ZNF385D: variants seen among roughly 807,000 people sequenced by gnomAD.
ZNF385D encodes the protein zinc finger protein 659.
ZNF385D carries 15 observed loss-of-function variants against 35.8 expected under a neutral mutation model. The ratio of observed to expected loss-of-function variants is 0.42; its 90% CI spans 0.28 to 0.64. The LOEUF is 0.64. Among genes scored for constraint, ZNF385D ranks in the 30% least tolerant of loss-of-function variants. The probability of loss-of-function intolerance (pLI) is 0.23; values close to 1 mark genes in which losing one functional copy is unlikely to be tolerated. For missense variants in ZNF385D, 474 were observed against 494.6 expected (o/e 0.96, Z 0.39); for synonymous variants, 212 against 186.8 (o/e 1.13, Z -1.10).
rs1325798763 is a variant in ZNF385D at position 21,670,783 on chromosome 3, CCTCA to C, written c.23-5759_23-5756del. ...CAGACACGCCTACTTATACCCCCTC[CCTCA>C]CTAACAGCCATTAGCCTTTCTTCCT... On this transcript the variant is annotated intron_variant, in intron 1 of 7. Coordinates refer to ENST00000281523, the MANE Select transcript of ZNF385D (RefSeq NM_024697.3). Among the ~76,000 whole-genome samples the C allele has an allele frequency of 1.1e-4, 16 of 150,420 alleles. No homozygotes were observed. In the South Asian group the frequency reaches 3.4e-3, roughly 32 times the overall value.
intron 2 of ZNF385D, among the ~76,000 whole-genome samples, chr3:21,615,061 GA>G (rs1460544417): frequency 6.6e-6 from 1 of 152,184 alleles, no homozygotes; most frequent in Non-Finnish European, 1.5e-5. Context: ...ATATGTTTTG[GA>G]TATTTGCCCC....
chr3:22,220,060 CTTT>C (rs539089821), intron 2 of ZNF385D, among the ~76,000 whole-genome samples: 4 of 144,678 alleles, frequency 2.8e-5, no homozygotes, highest in African/African-American at 7.6e-5. Flanking sequence ...TTCTTTCTTC[CTTT>C]TTTTTTTTTC....
At chr3:21,886,856 T>C (rs1178153568) in intron 3 of ZNF385D, among the ~76,000 whole-genome samples, 2 of 152,192 alleles carry the variant, frequency 1.3e-5, no homozygotes, top group Non-Finnish European at 2.9e-5. Flanking sequence ...AATTTTTCCC[T>C]GTGGTGTGAT....
chr3:21,446,307 TTGAG>T (rs1444902113), intron 4 of ZNF385D, among the ~76,000 whole-genome samples: 2 of 152,076 alleles, frequency 1.3e-5, no homozygotes, highest in African/African-American at 4.8e-5. Flanking sequence ...AAATGAGAGA[TTGAG>T]TGACCAGTGT....
chr3:21,442,848 C>T (rs1393305957), intron 4 of ZNF385D, among the ~76,000 whole-genome samples: 1 of 148,148 alleles, frequency 6.8e-6, no homozygotes. Context: ...TATGTGTATG[C>T]ATGTGCATGT....
rs1699360033 is a variant in ZNF385D at position 22,053,131 on chromosome 3, C to G, written c.325+115686G>C. ...CGCCTTGCAGTTTGATCTCAGACTG[C>G]TGTGCTAGCAATCAGCGAGATTCCG... On this transcript the variant is annotated intron_variant, in intron 3 of 5. Transcript: ENST00000494108. Among the ~76,000 whole-genome samples the G allele has an allele frequency of 2.4e-5, 2 of 84,566 alleles. 1 individual carries two copies. The highest frequency in any genetic ancestry group is 4.8e-5 in the Non-Finnish European group (2 of 41,634). The allele number at this position is 84,566 out of a possible 152,430, so 55.5% of individuals were successfully genotyped here.
At chr3:22,105,695 C>G (rs1393718373) in intron 3 of ZNF385D, among the ~76,000 whole-genome samples, 1 of 152,046 alleles carries the variant, frequency 6.6e-6, no homozygotes, top group African/African-American at 2.4e-5. Flanking sequence ...ATTCAACCTT[C>G]CTCCACCTTT....
At chr3:22,183,504 C>G (rs1166107306) in intron 2 of ZNF385D, among the ~76,000 whole-genome samples, 1 of 151,380 alleles carries the variant, frequency 6.6e-6, no homozygotes, top group Non-Finnish European at 1.5e-5. Context: ...ACTACAGGCA[C>G]ACACCACCAT....
rs138042349 is a variant in ZNF385D at position 22,292,179 on chromosome 3, G to A, written c.106+80271C>T. Among the ~76,000 whole-genome samples, 324 of 151,780 alleles carry A rather than the reference G, an allele frequency of 2.1e-3. 1 individual carries two copies. Among genetic ancestry groups the A allele is most frequent in the Non-Finnish European group, 3.6e-3 (241 of 67,866 alleles). On this transcript the variant is annotated intron_variant, in intron 2 of 5. Transcript: ENST00000494108. The stretch of plus-strand genomic sequence containing the variant: ...TATTATTTTCAAACTTCATTACTTC[G>A]TGGGTTATCATAAACTTTTGAAGAC...
chr3:21,837,204 T>A (rs1440341680), intron 3 of ZNF385D, among the ~76,000 whole-genome samples: 1 of 152,156 alleles, frequency 6.6e-6, no homozygotes, highest in Non-Finnish European at 1.5e-5. Flanking sequence ...TTCAGAGAAA[T>A]CTATTCTAGC....
At chr3:22,094,694 A>G (rs551289778) in intron 3 of ZNF385D, among the ~76,000 whole-genome samples, 3 of 152,052 alleles carry the variant, frequency 2.0e-5, no homozygotes, top group Admixed American at 6.6e-5. Context: ...ATGGCTAGTC[A>G]TGAGAATACC....
intron 3 of ZNF385D, among the ~76,000 whole-genome samples, chr3:21,794,389 G>A (rs971118742): frequency 2.6e-4 from 40 of 152,186 alleles, no homozygotes; most frequent in African/African-American, 9.4e-4. Flanking sequence ...TTGCCAGAGT[G>A]TCATTGAAAC....
At chr3:21,540,218 TAAC>T (rs558251554) in intron 3 of ZNF385D, among the ~76,000 whole-genome samples, 236 of 152,240 alleles carry the variant, frequency 1.6e-3, no homozygotes, top group African/African-American at 5.1e-3. Context: ...AGCAGAATAA[TAAC>T]AATATAGCAC....
At chr3:21,893,544 T>G (rs1334316937) in intron 3 of ZNF385D, among the ~76,000 whole-genome samples, 1 of 152,170 alleles carries the variant, frequency 6.6e-6, no homozygotes, top group Non-Finnish European at 1.5e-5. Context: ...TATAAACCTC[T>G]AAGCACTTTA....
chr3:22,214,999 CAT>C (rs1309416271), intron 2 of ZNF385D, among the ~76,000 whole-genome samples: 1 of 151,960 alleles, frequency 6.6e-6, no homozygotes, highest in Non-Finnish European at 1.5e-5. Flanking sequence ...AACCTGCCGA[CAT>C]GTGATGTCTC....
chr3:22,105,303 T>C (rs1053283972), intron 3 of ZNF385D, among the ~76,000 whole-genome samples: 5 of 151,706 alleles, frequency 3.3e-5, no homozygotes, highest in Non-Finnish European at 1.5e-5. Context: ...TTACTGCATA[T>C]TGCCTTTTTT....
intron 2 of ZNF385D, among the ~76,000 whole-genome samples, chr3:22,325,162 A>G (rs1694619908): frequency 1.3e-5 from 2 of 152,220 alleles, no homozygotes; most frequent in Admixed American, 6.5e-5. Flanking sequence ...TAAATTCTGA[A>G]GTAAAGGAAG....
At chr3:22,002,520 A>T (rs1251637823) in intron 3 of ZNF385D, among the ~76,000 whole-genome samples, 2 of 151,926 alleles carry the variant, frequency 1.3e-5, no homozygotes, top group African/African-American at 2.4e-5. Flanking sequence ...ACTAACAAAA[A>T]CTCTTCTCTA....
At chr3:21,456,685 T>C (rs916306370) in intron 4 of ZNF385D, among the ~76,000 whole-genome samples, 4 of 152,100 alleles carry the variant, frequency 2.6e-5, no homozygotes, top group Admixed American at 2.0e-4. Context: ...TGTATACATA[T>C]GTAACAAACC....
Sources: gnomAD v4.1 joint callset for allele counts (sites outside exome capture counted in the v4.1 genomes callset) on GRCh38, gnomAD v4.1.1 for gene constraint, MANE v1.5 for transcripts, NCBI Gene and HGNC (gene_info 2026-07-23, HGNC 2026-07-21) for gene names.